PRKG1: variants seen among roughly 807,000 people sequenced by gnomAD.
PRKG1 encodes the protein protein kinase cGMP-dependent 1, also known as cGMP-dependent protein kinase 1.
PRKG1 carries 35 observed loss-of-function variants against 88.1 expected under a neutral mutation model. The observed-to-expected ratio is 0.40, with a 90% CI of 0.30 to 0.53. PRKG1 has a LOEUF of 0.53. Among genes scored for constraint, PRKG1 ranks in the 20% least tolerant of loss-of-function variants. The pLI, the probability that PRKG1 is intolerant of heterozygous loss-of-function variation, is 0.59. For missense variants in PRKG1, 540 were observed against 839.8 expected (o/e 0.64, Z 4.41); for synonymous variants, 303 against 292.5 (o/e 1.04, Z -0.37).
chr10:51,519,318 T>A (rs539247119), intron 3 of PRKG1, among the ~76,000 whole-genome samples: 1 of 152,176 alleles, frequency 6.6e-6, no homozygotes, highest in East Asian at 1.9e-4. Context: ...ATATTTCCCA[T>A]ATTTTATAGA....
At chr10:51,129,124 T>C (rs1273633169) in intron 1 of PRKG1, among the ~76,000 whole-genome samples, 1 of 152,166 alleles carries the variant, frequency 6.6e-6, no homozygotes, top group Non-Finnish European at 1.5e-5. Flanking sequence ...TTTATATGCG[T>C]CATCTCAGTA....
intron 3 of PRKG1, among the ~76,000 whole-genome samples, chr10:51,736,466 T>A (rs1298850422): frequency 1.3e-5 from 2 of 152,160 alleles, no homozygotes; most frequent in Non-Finnish European, 2.9e-5. Flanking sequence ...TATGAAACAT[T>A]TCAAACATAT....
intron 3 of PRKG1, among the ~76,000 whole-genome samples, chr10:51,469,347 T>C (rs1485604773): frequency 6.6e-6 from 1 of 151,892 alleles, no homozygotes; most frequent in Non-Finnish European, 1.5e-5. Flanking sequence ...GCTTGTACAC[T>C]GCTTGATACT....
At chr10:51,839,082 A>G (rs189968463) in intron 4 of PRKG1, among the ~76,000 whole-genome samples, 195 of 152,338 alleles carry the variant, frequency 1.3e-3, no homozygotes, top group African/African-American at 4.5e-3. Context: ...TGTGTCAGAA[A>G]TGTAGAAACT....
At chr10:51,302,540 T>A (rs1840918308) in intron 2 of PRKG1, 1 of 137,162 alleles carries the variant, frequency 7.3e-6, no homozygotes, top group African/African-American at 2.8e-5. Flanking sequence ...AATGACTCAT[T>A]GGTAGCAAAA....
At chr10:51,623,586 T>G (rs1839262710) in intron 3 of PRKG1, among the ~76,000 whole-genome samples, 1 of 152,204 alleles carries the variant, frequency 6.6e-6, no homozygotes, top group African/African-American at 2.4e-5. Flanking sequence ...ATGTTACTTT[T>G]CATTTTTTAT....
At chr10:51,188,899 T>A (rs139508130) in intron 2 of PRKG1, among the ~76,000 whole-genome samples, 1 of 151,878 alleles carries the variant, frequency 6.6e-6, no homozygotes, top group South Asian at 2.1e-4. Context: ...GAAAATGCAA[T>A]AGGATGCCAA....
chr10:51,392,547 G>A (rs1042042773), intron 2 of PRKG1, among the ~76,000 whole-genome samples: 4 of 151,868 alleles, frequency 2.6e-5, no homozygotes, highest in Non-Finnish European at 5.9e-5. Flanking sequence ...ACACAGACAC[G>A]GCAACCATCC....
At chr10:51,267,119 C>T (rs1839855798) in intron 2 of PRKG1, among the ~76,000 whole-genome samples, 1 of 152,086 alleles carries the variant, frequency 6.6e-6, no homozygotes. Flanking sequence ...TAATTTTCAC[C>T]CCTGTTTCTT....
chr10:51,353,803 C>G (rs1292492401), intron 2 of PRKG1, among the ~76,000 whole-genome samples: 1 of 152,078 alleles, frequency 6.6e-6, no homozygotes, highest in Non-Finnish European at 1.5e-5. Context: ...TGGGTGTATA[C>G]CCAAAAGAAA....
chr10:51,187,935 G>T (rs1246721227), intron 2 of PRKG1, among the ~76,000 whole-genome samples: 1 of 152,044 alleles, frequency 6.6e-6, no homozygotes, highest in Non-Finnish European at 1.5e-5. Flanking sequence ...AAGTTACTCT[G>T]CTGATAGGGA....
chr10:51,789,702 A>G (rs1838817170), intron 3 of PRKG1, among the ~76,000 whole-genome samples: 1 of 152,152 alleles, frequency 6.6e-6, no homozygotes, highest in African/African-American at 2.4e-5. Context: ...AGCCTTTATT[A>G]TGTGCCAGGA....
At position 52,255,652 on chromosome 10, in the gene PRKG1, TG is replaced by T. The variant is rs1160266567; in HGVS notation, c.1173+3989del. Among the ~76,000 whole-genome samples, 3 of 151,932 alleles carry T rather than the reference TG, an allele frequency of 2.0e-5. No individual in the cohort carries two copies. In the East Asian group the frequency reaches 5.8e-4, roughly 29 times the overall value. ...TTAGCTCTAGAGACTCACAGTCTAC[TG>T]GGAGGGGCAATCATGTAAACTAATA... On this transcript the variant is annotated intron_variant, in intron 10 of 17. Transcript: ENST00000373980.
intron 5 of PRKG1, among the ~76,000 whole-genome samples, chr10:51,995,773 A>G (rs928899359): frequency 2.0e-5 from 3 of 152,320 alleles, no homozygotes; most frequent in Admixed American, 2.0e-4. Flanking sequence ...ATGGAGGTAA[A>G]CATGTATACC....
intron 9 of PRKG1, among the ~76,000 whole-genome samples, chr10:52,231,588 C>T (rs1411132582): frequency 6.6e-6 from 1 of 152,156 alleles, no homozygotes; most frequent in Admixed American, 6.5e-5. Flanking sequence ...CACCATTACG[C>T]TAGGTAACAA....
intron 3 of PRKG1, among the ~76,000 whole-genome samples, chr10:51,798,305 CACTT>C (rs1839073433): frequency 6.6e-6 from 1 of 152,024 alleles, no homozygotes; most frequent in Admixed American, 6.6e-5. Context: ...TCGTCACCAA[CACTT>C]ACTATTTTAT....
chr10:51,392,143 T>TG (rs1837419550), intron 2 of PRKG1, among the ~76,000 whole-genome samples: 1 of 152,162 alleles, frequency 6.6e-6, no homozygotes, highest in African/African-American at 2.4e-5. Context: ...GAATTTTTTT[T>TG]TTTTTTAATT....
At chr10:51,126,150 ATAATTTTTTATATG>A (rs1461104186) in intron 1 of PRKG1, among the ~76,000 whole-genome samples, 3 of 119,466 alleles carry the variant, frequency 2.5e-5, no homozygotes, top group East Asian at 2.5e-4. Context: ...TATATATTAT[ATAATTTTTTATATG>A]TAATTATTTA....
At chr10:51,067,270 G>GTATATATATATA (rs10612353) in intron 1 of PRKG1, among the ~76,000 whole-genome samples, 26 of 146,704 alleles carry the variant, frequency 1.8e-4, no homozygotes, top group African/African-American at 6.2e-4. Context: ...ATGTATGTGT[G>GTATATATATATA]TATATATATA....
Sources: allele counts gnomAD v4.1 joint callset (sites outside exome capture counted in the v4.1 genomes callset), GRCh38; gene constraint gnomAD v4.1.1; transcripts MANE v1.5; gene names NCBI Gene and HGNC (gene_info 2026-07-23, HGNC 2026-07-21).